Variants in CFAP46 observed in about 807,000 individuals in gnomAD.
The protein encoded by CFAP46 is cilia- and flagella-associated protein 46.
CFAP46 carries 245 observed loss-of-function variants against 325.7 expected under a neutral mutation model. The ratio of observed to expected loss-of-function variants is 0.75; its 90% CI spans 0.68 to 0.84. The LOEUF is 0.84. CFAP46 is among the 40% of genes least tolerant of loss of function. The pLI, the probability that CFAP46 is intolerant of heterozygous loss-of-function variation, is 0.00. For synonymous variants in CFAP46, 1,523 were observed against 1,495.9 expected (o/e 1.02, Z -0.42); for missense variants, 3,346 against 3,543.0 (o/e 0.94, Z 1.41).
intron 17 of CFAP46, 109 bp from the exon 18 acceptor site, chr10:132,913,367 G>A: frequency 6.6e-6 from 4 of 607,008 alleles, no homozygotes; most frequent in Non-Finnish European, 1.1e-5. Flanking sequence ...GCAAGAAGTG[G>A]GAGGGGCGGG....
At chr10:132,843,504 C>A (rs1457245869) in intron 44 of CFAP46, among the ~76,000 whole-genome samples, 26 of 147,212 alleles carry the variant, frequency 1.8e-4, no homozygotes, top group African/African-American at 5.9e-4. Context: ...TGCTGTAGGG[C>A]TGCTGCTGGT....
chr10:132,815,023 A>C lies in CFAP46; in HGVS notation c.7118-109T>G, dbSNP rs897234888. ...ATGCAAATTTCACTTAAATGAAAAA[A>C]AAAACAAGTTGTGAGAACAAGCGGT... On this transcript the variant is annotated intron_variant, in intron 50 of 57. Transcript: ENST00000368586. The C allele has an allele frequency of 2.7e-5, 27 of 1,006,462 alleles. No individual in the cohort carries two copies. In the African/African-American group the frequency reaches 3.6e-4, roughly 13 times the overall value. 62.3% of individuals were successfully genotyped at this position (1,006,462 alleles called of 1,614,324 possible).
At chr10:132,811,387 C>T (rs572742070) in intron 55 of CFAP46, among the ~76,000 whole-genome samples, 25 of 152,284 alleles carry the variant, frequency 1.6e-4, no homozygotes, top group Non-Finnish European at 3.1e-4. Context: ...ATGAGGTGTA[C>T]GAGGTGGAGC....
chr10:132,823,924 T>TGTGA (rs1847961335), intron 50 of CFAP46, among the ~76,000 whole-genome samples: 2 of 135,394 alleles, frequency 1.5e-5, no homozygotes. Flanking sequence ...GATGTGTGTG[T>TGTGA]GTGCTGATGT....
chr10:132,907,682 C>A (rs532956708), intron 22 of CFAP46, among the ~76,000 whole-genome samples: 1 of 152,350 alleles, frequency 6.6e-6, no homozygotes, highest in Non-Finnish European at 1.5e-5. Flanking sequence ...GTGTCCGTGT[C>A]CCCTCAAAAT....
At chr10:132,816,117 C>T (rs76697930) in intron 50 of CFAP46, among the ~76,000 whole-genome samples, 7,827 of 152,168 alleles carry the variant, frequency 0.051, 253 homozygotes, top group Non-Finnish European at 0.067. Context: ...GTATTTTGTC[C>T]TTGCTGCCCA....
Position 132,822,615 on chromosome 10 carries a change from T to C in CFAP46, c.7118-7701A>G, listed in dbSNP as rs1389765696. Reference sequence around the variant, plus strand: ...TGTGAGTGCTGATGTGTGCTGTGTGTTGTGTGAGTGCTGATGTGTGCTGTC... The same window carrying C: ...TGTGAGTGCTGATGTGTGCTGTGTGCTGTGTGAGTGCTGATGTGTGCTGTC... On this transcript the variant is annotated intron_variant, in intron 50 of 57. Transcript: ENST00000368586. Among the ~76,000 whole-genome samples the C allele has an allele frequency of 8.8e-4, 112 of 127,344 alleles. 2 individuals are homozygous for C. Among genetic ancestry groups the C allele is most frequent in the African/African-American group, 3.3e-3 (107 of 32,428 alleles). The allele number at this position is 127,344 out of a possible 152,430, so 83.5% of individuals were successfully genotyped here.
chr10:132,809,017 T>C, intron 57 of CFAP46, 113 bp from the exon 58 acceptor site: 1 of 1,081,836 alleles, frequency 9.2e-7, no homozygotes, highest in Non-Finnish European at 1.3e-6. Context: ...GAGGGCGCTC[T>C]GGGGAACACA....
At position 132,862,645 on chromosome 10, in the gene CFAP46, G is replaced by T. The variant is rs1320333171; in HGVS notation, c.4891-1663C>A. Among the ~76,000 whole-genome samples the T allele has an allele frequency of 1.3e-5, 2 of 151,760 alleles. 1 individual carries two copies. The highest frequency in any genetic ancestry group is 4.8e-5 in the African/African-American group (2 of 41,270). On this transcript the variant is annotated intron_variant, in intron 35 of 57. Transcript: ENST00000368586. ...GGCTACAGTGGGAGAGCCCAGGGGA[G>T]GTCAGACCCCCGAGAGACAAGGCCA...
At chr10:132,855,013 A>C (rs563091403) in intron 39 of CFAP46, among the ~76,000 whole-genome samples, 1 of 152,348 alleles carries the variant, frequency 6.6e-6, no homozygotes, top group East Asian at 1.9e-4. Flanking sequence ...TGTTGGGTGA[A>C]CGTTCTAGAA....
chr10:132,864,129 C>A (rs1428911486), intron 35 of CFAP46, among the ~76,000 whole-genome samples: 1 of 142,510 alleles, frequency 7.0e-6, no homozygotes, highest in Non-Finnish European at 1.5e-5. Context: ...ATGAGACCTC[C>A]ACACACCTGT....
intron 27 of CFAP46, among the ~76,000 whole-genome samples, chr10:132,881,321 G>A (rs1373224973): frequency 1.3e-5 from 2 of 152,250 alleles, no homozygotes; most frequent in South Asian, 2.1e-4. Context: ...GGACTCCCGG[G>A]TCCCCAGACA....
At chr10:132,866,855 G>A (rs1453900029) in intron 34 of CFAP46, among the ~76,000 whole-genome samples, 13 of 152,234 alleles carry the variant, frequency 8.5e-5, no homozygotes, top group Non-Finnish European at 5.9e-5. Context: ...ATGCAGAGGG[G>A]TGCTGTGCTC....
intron 50 of CFAP46, among the ~76,000 whole-genome samples, chr10:132,823,547 T>C (rs1361511183): frequency 1.0e-5 from 1 of 96,406 alleles, no homozygotes; most frequent in African/African-American, 3.8e-5. Context: ...CTGTGTGCTG[T>C]GTGCTGATGT....
rs1264614641 is a variant in CFAP46 at position 132,810,172 on chromosome 10, C to T, written c.7664+237G>A. On this transcript the variant is annotated intron_variant, in intron 57 of 57. Coordinates refer to ENST00000368586, the MANE Select transcript of CFAP46 (RefSeq NM_001200049.3). Reference sequence around the variant, plus strand: ...TCTGGAGCCACGTGGCACTGTGGGCCGTCACTGCCGAGGGTCGCGCCACGG... The same window carrying T: ...TCTGGAGCCACGTGGCACTGTGGGCTGTCACTGCCGAGGGTCGCGCCACGG... Among the ~76,000 whole-genome samples the T allele has an allele frequency of 3.3e-5, 5 of 152,322 alleles. 1 individual carries two copies. The East Asian group carries it at 5.8e-4, about 18-fold the overall frequency.
chr10:132,934,687 C>A, intron 8 of CFAP46, 65 bp downstream of exon 8: 1 of 1,120,038 alleles, frequency 8.9e-7, no homozygotes, highest in Non-Finnish European at 1.3e-6. Flanking sequence ...TCACATTTTT[C>A]AGTGCCTGCT....
At chr10:132,941,266 C>T (rs77687564) in intron 3 of CFAP46, among the ~76,000 whole-genome samples, 1 of 152,296 alleles carries the variant, frequency 6.6e-6, no homozygotes, top group East Asian at 1.9e-4. Context: ...GCAGACACAG[C>T]GAGGCAGCAG....
chr10:132,837,969 A>ACACAGACG (rs1564773051), intron 44 of CFAP46, among the ~76,000 whole-genome samples: 7 of 151,726 alleles, frequency 4.6e-5, no homozygotes, highest in Non-Finnish European at 7.4e-5. Context: ...ACAGACGCAC[A>ACACAGACG]CACTCACGCA....
chr10:132,907,850 G>A lies in CFAP46; in HGVS notation c.2924+618C>T, dbSNP rs59786359. On this transcript the variant is annotated intron_variant, in intron 22 of 57. Transcript: ENST00000368586. ...AGCCCTGCCCCTTCCCGCATGTGAG[G>A]ACACAGCGGGAGGCGCCGTCTGTGA... is the stretch of plus-strand genomic sequence containing the variant. Among the ~76,000 whole-genome samples, 381 of 152,312 alleles carry A rather than the reference G, an allele frequency of 2.5e-3. 5 individuals are homozygous for A. In the South Asian group the frequency reaches 0.061, roughly 24 times the overall value.
Sources: gnomAD v4.1 joint callset for allele counts (sites outside exome capture counted in the v4.1 genomes callset) on GRCh38, gnomAD v4.1.1 for gene constraint, MANE v1.5 for transcripts, NCBI Gene and HGNC (gene_info 2026-07-23, HGNC 2026-07-21) for gene names.